The following TNNI1 variants were observed in gnomAD, a reference collection of about 807,000 sequenced individuals.
TNNI1 encodes troponin I, slow skeletal muscle.
A neutral mutation model predicts 26.7 loss-of-function variants in TNNI1; 14 were observed. That is an observed-to-expected ratio of 0.52 (90% CI 0.35 to 0.82). TNNI1 has a LOEUF of 0.82. Among genes scored for constraint, TNNI1 ranks in the 40% least tolerant of loss-of-function variants. The pLI is 0.01. For synonymous variants in TNNI1, 79 were observed against 98.2 expected (o/e 0.80, Z 1.16); for missense variants, 164 against 257.0 (o/e 0.64, Z 2.47).
intron 2 of TNNI1, 116 bp downstream of exon 2, chr1:201,417,667 G>T: frequency 1.2e-6 from 1 of 865,394 alleles, no homozygotes; most frequent in Non-Finnish European, 1.6e-6. Flanking sequence ...TTGAGGACCT[G>T]GTCTCTTAGG....
chr1:201,411,266 G>T lies in TNNI1; in HGVS notation c.456+91C>A. 1 of 1,403,286 alleles carries T rather than the reference G, an allele frequency of 7.1e-7. No individual in the cohort carries two copies. The highest frequency in any genetic ancestry group is 9.8e-7 in the Non-Finnish European group (1 of 1,015,386). The allele number at this position is 1,403,286 out of a possible 1,614,324, so 86.9% of individuals were successfully genotyped here. ...TCAAGCTGACTGGTCTCCAACAGGA[G>T]CTCCTGGGCCAGCCTGAGGCCATGT... On this transcript the variant is annotated intron_variant, in intron 7 of 8. Transcript: ENST00000361379. This position sits in a 1 kb window ranked among gnomAD's most constrained non-coding sequence, Gnocchi z 4.6.
chr1:201,410,183 A>C (rs1662606324), intron 8 of TNNI1, 143 bp downstream of exon 8: 3 of 660,930 alleles, frequency 4.5e-6, no homozygotes, highest in Admixed American at 2.6e-5. Flanking sequence ...AGCCCAGGAG[A>C]GCCGACTCAA....
At chr1:201,421,447 G>C (rs1249905238) in intron 1 of TNNI1, among the ~76,000 whole-genome samples, 1 of 152,160 alleles carries the variant, frequency 6.6e-6, no homozygotes, top group East Asian at 1.9e-4. Flanking sequence ...GCCTCCAAAT[G>C]GCCAGGAAAA....
intron 5 of TNNI1, among the ~76,000 whole-genome samples, chr1:201,414,244 T>A (rs1662692960): frequency 6.6e-6 from 1 of 152,176 alleles, no homozygotes; most frequent in East Asian, 1.9e-4. Flanking sequence ...CCCCACTCCA[T>A]GCCACCACAC....
chr1:201,415,540 C>T (rs1461193156), intron 3 of TNNI1, among the ~76,000 whole-genome samples: 2 of 150,162 alleles, frequency 1.3e-5, no homozygotes, highest in East Asian at 3.9e-4. Flanking sequence ...CTTCTACAGG[C>T]ACCTCCTTCC....
chr1:201,420,554 T>A (rs1047047214), intron 1 of TNNI1, among the ~76,000 whole-genome samples: 12 of 151,982 alleles, frequency 7.9e-5, no homozygotes, highest in Admixed American at 2.0e-4. Flanking sequence ...TGTGTGTAAG[T>A]GTGTGTAAGT....
intron 1 of TNNI1, among the ~76,000 whole-genome samples, chr1:201,418,096 T>C (rs1248536583): frequency 6.7e-6 from 1 of 150,096 alleles, no homozygotes; most frequent in Non-Finnish European, 1.5e-5. Flanking sequence ...TTATGTGAGC[T>C]ACAAAGCTAT....
chr1:201,416,975 G>C, intron 3 of TNNI1, 141 bp downstream of exon 3: 2 of 952,394 alleles, frequency 2.1e-6, no homozygotes, highest in Non-Finnish European at 3.4e-6. Flanking sequence ...AATTTGTTCA[G>C]CCACTAAATA....
At chr1:201,410,289 T>C in intron 8 of TNNI1, 37 bp downstream of exon 8, 1 of 1,580,438 alleles carries the variant, frequency 6.3e-7, no homozygotes. Context: ...CTCTAGACTC[T>C]GATGGACCCC....
chr1:201,414,137 C>A (rs1012561143), intron 5 of TNNI1, among the ~76,000 whole-genome samples: 1 of 152,162 alleles, frequency 6.6e-6, no homozygotes, highest in Non-Finnish European at 1.5e-5. Flanking sequence ...TGGCATTTAA[C>A]CAATTTACCA....
chr1:201,415,364 TCC>T (rs1662715007), intron 3 of TNNI1, 110 bp from the exon 4 acceptor site: 1 of 1,149,824 alleles, frequency 8.7e-7, no homozygotes, highest in Non-Finnish European at 1.3e-6. Flanking sequence ...TTATCCGGAA[TCC>T]TCTGCTCACC....
In TNNI1 at chr1:201,411,549, G is replaced by T. The variant is rs553929127; in HGVS notation, c.280-16C>A. The T allele has an allele frequency of 2.6e-6, 4 of 1,549,594 alleles. No individual in the cohort carries two copies. The highest frequency in any genetic ancestry group is 2.6e-6 in the Non-Finnish European group (3 of 1,151,570). Reference sequence around the variant, plus strand: ...GGTCCTTAATCTGTAGGTGAGAAGCGCCCGGGGCTCACTGGAGAGGCAGCT... The same window carrying T: ...GGTCCTTAATCTGTAGGTGAGAAGCTCCCGGGGCTCACTGGAGAGGCAGCT... On this transcript the variant is annotated splice_polypyrimidine_tract_variant and intron_variant, in intron 6 of 8. Coordinates refer to ENST00000361379, the MANE Select transcript of TNNI1 (RefSeq NM_003281.4). The surrounding 1 kb of genome is among the most constrained non-coding windows in gnomAD (Gnocchi z 4.6).
intron 1 of TNNI1, among the ~76,000 whole-genome samples, chr1:201,421,328 C>T (rs1250637441): frequency 2.0e-5 from 3 of 152,096 alleles, no homozygotes; most frequent in Admixed American, 6.5e-5. Flanking sequence ...CCCCTGGGTG[C>T]GCTCTCCCTC....
intron 5 of TNNI1, among the ~76,000 whole-genome samples, chr1:201,413,500 C>T (rs898489541): frequency 3.3e-5 from 5 of 151,936 alleles, no homozygotes; most frequent in African/African-American, 9.7e-5. Context: ...AATCCCAGCA[C>T]TTTGGGAGGC....
At position 201,405,317 on chromosome 1, in the gene TNNI1, A is replaced by G. The variant is rs1662494455; in HGVS notation, c.*3936T>C. 1 of 152,708 alleles carries G rather than the reference A, an allele frequency of 6.5e-6. No individual in the cohort carries two copies. The allele number at this position is 152,708 out of a possible 1,614,324, so 9.5% of individuals were successfully genotyped here. ...CAGCCTTCGTCTCAGGGGACCCACAAGCCAGCCTAGAAGTGTGTCTTGGAA... is the reference window on the plus strand; with the variant it reads ...CAGCCTTCGTCTCAGGGGACCCACAGGCCAGCCTAGAAGTGTGTCTTGGAA... On this transcript the variant is annotated 3_prime_UTR_variant, in exon 9 of 9. Transcript: ENST00000361379.
rs1468905914 is a variant in TNNI1, at chr1:201,407,188, C to G, written c.*2065G>C. On this transcript the variant is annotated 3_prime_UTR_variant, in exon 9 of 9. Transcript: ENST00000361379. ...TTTGGATCCAGGCCAACCGGAGGAG[C>G]CCTGTGAGGCGGGGAAGAGTGGGTT... 6.6e-6 allele frequency: 1 copy of G among 152,284 alleles called. No individual in the cohort carries two copies. The highest frequency in any genetic ancestry group is 1.5e-5 in the Non-Finnish European group (1 of 68,094). The allele number at this position is 152,284 out of a possible 1,614,324, so 9.4% of individuals were successfully genotyped here.
intron 3 of TNNI1, among the ~76,000 whole-genome samples, chr1:201,416,383 G>T (rs1365938462): frequency 1.3e-5 from 2 of 152,238 alleles, no homozygotes; most frequent in African/African-American, 4.8e-5. Flanking sequence ...CCATCAGTCA[G>T]TGAGGACTCA....
chr1:201,420,899 G>A (rs530049469), intron 1 of TNNI1, among the ~76,000 whole-genome samples: 3 of 152,212 alleles, frequency 2.0e-5, no homozygotes, highest in Admixed American at 6.5e-5. Flanking sequence ...ACCGCCACAC[G>A]GCCCCCTGCC....
In TNNI1 at chr1:201,414,539, G is replaced by T. The variant is rs750496317; in HGVS notation, c.168C>A (p.Gly56=). ...AERIPTLQTR[G]LSLSALQDLC... is the part of the protein sequence containing the mutation. ...TAACCTGCAGGGCACTGAGGGACAG[G>T]CCACGGGTCTGCAGCGTGGGGATGC... Residue 56 remains glycine, a synonymous_variant, in exon 5 of 9, where the codon GGC becomes GGA. Transcript: ENST00000361379. The T allele has an allele frequency of 2.5e-6, 4 of 1,609,074 alleles. No individual in the cohort carries two copies. Among genetic ancestry groups the T allele is most frequent in the Non-Finnish European group, 3.4e-6 (4 of 1,178,040 alleles).
Sources: gnomAD v4.1 joint callset for allele counts (sites outside exome capture counted in the v4.1 genomes callset) on GRCh38, gnomAD v4.1.1 for gene constraint, Gnocchi (gnomAD v3.1) non-coding constraint, MANE v1.5 for transcripts, NCBI Gene and HGNC (gene_info 2026-07-23, HGNC 2026-07-21) for gene names.